The following BBS2 variants were observed in gnomAD, a reference collection of about 807,000 sequenced individuals.
BBS2 encodes the protein BBSome complex member BBS2.
Under a neutral mutation model 83.0 loss-of-function variants are expected in BBS2, and 62 were observed. The observed-to-expected ratio is 0.75, with a 90% CI of 0.61 to 0.92. The LOEUF is 0.92. BBS2 is among the 40% of genes least tolerant of loss of function. BBS2 has a pLI of 0.00. For missense variants in BBS2, 784 were observed against 901.0 expected, an observed-to-expected ratio of 0.87 and a Z score of 1.66; for synonymous variants, 303 against 326.1, an observed-to-expected ratio of 0.93 and a Z score of 0.76.
chr16:56,499,632 C>T, intron 12 of BBS2, 146 bp downstream of exon 12: 1 of 1,130,968 alleles, frequency 8.8e-7, no homozygotes. Context: ...TTACAGGTTA[C>T]AAGCCACCCC....
In BBS2 at chr16:56,502,337, T is replaced by C; in HGVS notation, c.1060A>G (p.Asn354Asp). The change falls in exon 9 of 17, where the codon AAC becomes GAC. Residue 354 changes from asparagine (N) to aspartate (D), a missense_variant. Asn to Asp is a conservative substitution (Grantham distance 23). Coordinates refer to ENST00000245157, the MANE Select transcript of BBS2 (RefSeq NM_031885.5). ...KKQNLLLELR[N>D]YEENAKAELA... ...CCTACCTTGGCATTTTCCTCATAGT[T>C]ACGGAGTTCCAGCAACAGATTCTGC... 6.2e-7 allele frequency: 1 copy of C among 1,614,208 alleles called. No individual in the cohort carries two copies. The highest frequency in any genetic ancestry group is 8.5e-7 in the Non-Finnish European group (1 of 1,180,038).
At chr16:56,487,298 C>G (rs1458356198) in intron 15 of BBS2, among the ~76,000 whole-genome samples, 1 of 151,980 alleles carries the variant, frequency 6.6e-6, no homozygotes, top group African/African-American at 2.4e-5. Flanking sequence ...AGGGACCCTA[C>G]AGATAGTTGG....
Position 56,496,983 on chromosome 16 carries a change from G to A in BBS2, c.1894C>T (p.Arg632Cys), listed in dbSNP as rs200021475. Residue 632 changes from arginine to cysteine, a missense_variant, in exon 15 of 17, where the codon CGT (arginine) becomes TGT (cysteine). By Grantham distance (180) the Arg-to-Cys change is radical. Coordinates refer to ENST00000245157, the MANE Select transcript of BBS2 (RefSeq NM_031885.5). Reference sequence around the variant, plus strand: ...AATACTCACATGTCCCTCATCAGACGAGCATCCTCAGCTCCGACCAGCAAA... The same window carrying A: ...AATACTCACATGTCCCTCATCAGACAAGCATCCTCAGCTCCGACCAGCAAA... Reference protein sequence around the residue: ...RSLLVGAEDARLMRDMKTMKS... With the variant: ...RSLLVGAEDACLMRDMKTMKS... 33 of 1,613,402 alleles carry A rather than the reference G, an allele frequency of 2.0e-5. No individual in the cohort carries two copies. The East Asian group carries it at 3.1e-4, about 15-fold the overall frequency.
chr16:56,506,575 T>A (rs1344460734), intron 5 of BBS2, among the ~76,000 whole-genome samples: 4 of 152,204 alleles, frequency 2.6e-5, no homozygotes, highest in Non-Finnish European at 5.9e-5. Context: ...AGATATTATA[T>A]ATGTTCACCC....
intron 15 of BBS2, among the ~76,000 whole-genome samples, chr16:56,488,319 A>G (rs1322700707): frequency 6.6e-6 from 1 of 152,210 alleles, no homozygotes; most frequent in African/African-American, 2.4e-5. Context: ...CAGTCCCACA[A>G]GACTGCCTGA....
chr16:56,491,632 GTT>G (rs1963952169), intron 15 of BBS2, among the ~76,000 whole-genome samples: 1 of 144,264 alleles, frequency 6.9e-6, no homozygotes, highest in African/African-American at 2.6e-5. Flanking sequence ...CAGACAAATA[GTT>G]CACACAAAAA....
chr16:56,519,024 CGTT>C (rs1330900552), intron 1 of BBS2, among the ~76,000 whole-genome samples: 6 of 151,976 alleles, frequency 3.9e-5, no homozygotes, highest in African/African-American at 1.4e-4. Context: ...ATTCTTTTGT[CGTT>C]GTTCGGTAAA....
At chr16:56,470,634 G>A (rs1369585271) in exon 18 of BBS2, 6 of 1,614,142 alleles carry the variant, frequency 3.7e-6, no homozygotes, top group Non-Finnish European at 5.1e-6. Context: ...AAGATGAGAT[G>A]AATGATAAAA....
rs905991096 is a variant in BBS2 at position 56,511,216 on chromosome 16, A to G, written c.414T>C (p.Ile138=). Residue 138 remains isoleucine (I), a synonymous_variant, in exon 3 of 17, where the codon ATT becomes ATC. Transcript: ENST00000245157. The part of the protein sequence containing the change: ...LGDISSPLAI[I]GGNCALQGFN... ...AACCTTGCAGAGCACAATTGCCACC[A>G]ATAATCGCAAGAGGGGAAGAAATGT... The G allele has an allele frequency of 6.2e-7, 1 of 1,614,004 alleles. No individual in the cohort carries two copies. The highest frequency in any genetic ancestry group is 8.5e-7 in the Non-Finnish European group (1 of 1,180,014).
intron 7 of BBS2, among the ~76,000 whole-genome samples, chr16:56,504,044 T>A (rs1964356894): frequency 6.6e-6 from 1 of 152,246 alleles, no homozygotes; most frequent in South Asian, 2.1e-4. Context: ...AGTTTTGTCT[T>A]TTCATAAACA....
chr16:56,497,726 C>T lies in BBS2; in HGVS notation c.1797+17G>A, dbSNP rs374703281. On this transcript the variant is annotated intron_variant, in intron 14 of 16. Transcript: ENST00000245157. The stretch of plus-strand genomic sequence containing the variant: ...GACTACCACATTCTCACAAATGCAT[C>T]TACCGCATTCCCTCACCTTAACTAG... 3 of 1,612,792 alleles carry T rather than the reference C, an allele frequency of 1.9e-6. No homozygotes were observed. In the East Asian group the frequency reaches 6.7e-5, roughly 36 times the overall value.
chr16:56,487,653 A>G (rs1467651680), intron 15 of BBS2, among the ~76,000 whole-genome samples: 1 of 152,230 alleles, frequency 6.6e-6, no homozygotes, highest in Non-Finnish European at 1.5e-5. Context: ...GCAAGACCAA[A>G]CATCACTGCA....
intron 1 of BBS2, among the ~76,000 whole-genome samples, chr16:56,516,522 G>A (rs559021326): frequency 1.3e-5 from 2 of 152,066 alleles, no homozygotes; most frequent in South Asian, 2.1e-4. Context: ...TCAGCCTCCC[G>A]AGTAGCTGGG....
intron 7 of BBS2, among the ~76,000 whole-genome samples, chr16:56,504,085 A>G (rs1371976309): frequency 6.6e-6 from 1 of 152,218 alleles, no homozygotes; most frequent in Non-Finnish European, 1.5e-5. Context: ...CAACCAAAAC[A>G]TAAAGTAATT....
chr16:56,488,086 C>T (rs1045729158), intron 15 of BBS2, among the ~76,000 whole-genome samples: 12 of 152,180 alleles, frequency 7.9e-5, no homozygotes, highest in African/African-American at 2.9e-4. Context: ...GTAAATTTCA[C>T]ATTGTGTAGT....
At chr16:56,491,893 A>G (rs1480191040) in intron 15 of BBS2, among the ~76,000 whole-genome samples, 1 of 151,880 alleles carries the variant, frequency 6.6e-6, no homozygotes, top group Non-Finnish European at 1.5e-5. Flanking sequence ...ATGAAGTATC[A>G]TTTCACCTTT....
At chr16:56,496,499 G>C (rs1039654086) in intron 15 of BBS2, among the ~76,000 whole-genome samples, 6 of 151,956 alleles carry the variant, frequency 3.9e-5, no homozygotes, top group African/African-American at 9.7e-5. Flanking sequence ...CTATACACAC[G>C]GATACATTTT....
At position 56,497,850 on chromosome 16, in the gene BBS2, C is replaced by T. The variant is rs780747680; in HGVS notation, c.1690G>A (p.Ala564Thr). The change falls in exon 14 of 17, where the codon GCT becomes ACT. Residue 564 changes from alanine (A) to threonine (T), a missense_variant. Transcript: ENST00000245157. ...ITINTDDIDL[A>T]GDIIQSMASF... ...GCCATTGACTGGATGATATCACCAG[C>T]CAAATCAATATCATCAGTATTTATA... 1.2e-6 allele frequency: 2 copies of T among 1,611,764 alleles called. No individual in the cohort carries two copies. The highest frequency in any genetic ancestry group is 1.7e-6 in the Non-Finnish European group (2 of 1,179,770).
chr16:56,500,562 T>C (rs1181956041), intron 11 of BBS2: 2 of 361,448 alleles, frequency 5.5e-6, no homozygotes, highest in East Asian at 6.5e-5. Context: ...GAGGTAGAGG[T>C]TGCAGTGAAC....
Sources: allele counts gnomAD v4.1 joint callset (sites outside exome capture counted in the v4.1 genomes callset), GRCh38; gene constraint gnomAD v4.1.1; transcripts MANE v1.5; gene names NCBI Gene and HGNC (gene_info 2026-07-23, HGNC 2026-07-21).